The following HCN1 variants were observed in gnomAD, a reference collection of about 807,000 sequenced individuals.
The protein encoded by HCN1 is hyperpolarization activated cyclic nucleotide gated potassium channel 1.
A neutral mutation model predicts 78.9 loss-of-function variants in HCN1; 13 were observed. That is an observed-to-expected ratio of 0.16 (90% CI 0.11 to 0.26). The LOEUF (loss-of-function observed/expected upper bound fraction) is 0.26. Among genes scored for constraint, HCN1 ranks in the 10% least tolerant of loss-of-function variants. The pLI is 1.00. For missense variants in HCN1, 810 were observed against 1,154.3 expected, an observed-to-expected ratio of 0.70 and a Z score of 4.32; for synonymous variants, 552 against 455.5, an observed-to-expected ratio of 1.21 and a Z score of -2.70.
intron 1 of HCN1, among the ~76,000 whole-genome samples, chr5:45,664,472 G>GAA (rs755491134): frequency 4.3e-4 from 53 of 122,458 alleles, no homozygotes; most frequent in Non-Finnish European, 4.6e-4. Flanking sequence ...ATAAAAAAAA[G>GAA]AAAAAAAAAA....
chr5:45,509,063 A>C (rs767512178), intron 2 of HCN1, among the ~76,000 whole-genome samples: 4 of 152,152 alleles, frequency 2.6e-5, no homozygotes, highest in Non-Finnish European at 4.4e-5. Flanking sequence ...CTTACTTTCA[A>C]GTCCTTTAAA....
At chr5:45,399,951 G>A (rs1036514708) in intron 3 of HCN1, among the ~76,000 whole-genome samples, 2 of 152,068 alleles carry the variant, frequency 1.3e-5, no homozygotes, top group African/African-American at 2.4e-5. Context: ...TTTGGAGAAT[G>A]AGCAAATTTA....
chr5:45,464,302 T>C (rs940391563), intron 2 of HCN1, among the ~76,000 whole-genome samples: 1 of 152,094 alleles, frequency 6.6e-6, no homozygotes, highest in African/African-American at 2.4e-5. Flanking sequence ...TTTGCTACTA[T>C]GCATTTTCAT....
intron 4 of HCN1, 106 bp downstream of exon 4, chr5:45,396,386 C>CTTTTT: frequency 1.3e-6 from 1 of 759,068 alleles, no homozygotes; most frequent in Non-Finnish European, 2.2e-6. Flanking sequence ...CATTTTATCT[C>CTTTTT]TTTTTTTTTT....
chr5:45,336,642 C>T (rs929505469), intron 5 of HCN1, among the ~76,000 whole-genome samples: 1 of 151,840 alleles, frequency 6.6e-6, no homozygotes, highest in African/African-American at 2.4e-5. Flanking sequence ...ATGGTTTTAT[C>T]CAATTTGGGC....
chr5:45,352,791 G>T (rs1746937843), intron 5 of HCN1, among the ~76,000 whole-genome samples: 1 of 151,914 alleles, frequency 6.6e-6, no homozygotes, highest in Admixed American at 6.6e-5. Flanking sequence ...TCAAAAAGAA[G>T]AATCAGTTTG....
chr5:45,537,676 T>C (rs987328213), intron 2 of HCN1, among the ~76,000 whole-genome samples: 1 of 151,828 alleles, frequency 6.6e-6, no homozygotes, highest in Non-Finnish European at 1.5e-5. Flanking sequence ...TAGCTGGAGT[T>C]ACAGGCACCC....
chr5:45,665,620 A>G (rs1746027948), intron 1 of HCN1, among the ~76,000 whole-genome samples: 1 of 152,060 alleles, frequency 6.6e-6, no homozygotes, highest in Non-Finnish European at 1.5e-5. Context: ...AAAAAAAAGT[A>G]AAGACTCAAG....
intron 3 of HCN1, among the ~76,000 whole-genome samples, chr5:45,430,811 G>A (rs943950710): frequency 1.3e-5 from 2 of 152,162 alleles, no homozygotes; most frequent in African/African-American, 4.8e-5. Context: ...GACAGAGCGA[G>A]ACTCTGCCTC....
intron 3 of HCN1, among the ~76,000 whole-genome samples, chr5:45,414,975 T>C (rs1219686487): frequency 6.6e-6 from 1 of 152,036 alleles, no homozygotes; most frequent in Non-Finnish European, 1.5e-5. Flanking sequence ...TCCAAGGTTT[T>C]GTTAAAACCA....
At chr5:45,340,068 A>G (rs62367530) in intron 5 of HCN1, among the ~76,000 whole-genome samples, 22,650 of 151,838 alleles carry the variant, frequency 0.15, 3,177 homozygotes, top group African/African-American at 0.36. Flanking sequence ...ACAGGTGCCC[A>G]CCACCACTCC....
At chr5:45,672,426 G>C (rs1214641839) in intron 1 of HCN1, among the ~76,000 whole-genome samples, 2 of 151,402 alleles carry the variant, frequency 1.3e-5, no homozygotes, top group African/African-American at 4.8e-5. Context: ...GATGCCACTT[G>C]TCTACGTTAA....
chr5:45,386,416 C>A (rs1168954881), intron 4 of HCN1, among the ~76,000 whole-genome samples: 1 of 152,042 alleles, frequency 6.6e-6, no homozygotes, highest in Non-Finnish European at 1.5e-5. Flanking sequence ...CTGGTTCAAG[C>A]AATCCTCCTG....
intron 2 of HCN1, chr5:45,576,598 T>A (rs1307715105): frequency 6.6e-6 from 1 of 152,104 alleles, no homozygotes; most frequent in Non-Finnish European, 1.5e-5. Context: ...AAAGTATCAC[T>A]AGTTGAAGGC....
chr5:45,636,123 G>A (rs1227060375), intron 2 of HCN1, among the ~76,000 whole-genome samples: 1 of 152,098 alleles, frequency 6.6e-6, no homozygotes, highest in African/African-American at 2.4e-5. Context: ...GGATGTCACT[G>A]TACCCCTTTC....
At chr5:45,346,610 T>G (rs1424257768) in intron 5 of HCN1, among the ~76,000 whole-genome samples, 1 of 152,064 alleles carries the variant, frequency 6.6e-6, no homozygotes, top group African/African-American at 2.4e-5. Context: ...CCTTTCCTAG[T>G]CAAAGAAAGG....
chr5:45,641,066 T>C (rs980573798), intron 2 of HCN1, among the ~76,000 whole-genome samples: 2 of 152,162 alleles, frequency 1.3e-5, no homozygotes, highest in Admixed American at 1.3e-4. Flanking sequence ...AGATTTGATG[T>C]GATAAGCAAT....
At position 45,490,679 on chromosome 5, in the gene HCN1, T is replaced by C. The variant is rs143084505; in HGVS notation, c.850-28672A>G. ...ACTCTTTTCTTGGTCTTATTTCACA[T>C]TGCATGCCTGTATCAAAACATCTCA... On this transcript the variant is annotated intron_variant, in intron 2 of 7. Coordinates refer to ENST00000303230, the MANE Select transcript of HCN1 (RefSeq NM_021072.4). 6.7e-3 allele frequency among the ~76,000 whole-genome samples: 1,025 copies of C among 152,284 alleles called. 7 individuals are homozygous for C. Among genetic ancestry groups the C allele is most frequent in the Admixed American group, 0.012 (178 of 15,282 alleles).
At chr5:45,266,554 G>A (rs1259260133) in intron 7 of HCN1, among the ~76,000 whole-genome samples, 3 of 152,120 alleles carry the variant, frequency 2.0e-5, no homozygotes, top group Non-Finnish European at 4.4e-5. Context: ...CGGGAAATCA[G>A]TTTGTTTAGC....
Sources: allele counts gnomAD v4.1 joint callset (sites outside exome capture counted in the v4.1 genomes callset), GRCh38; gene constraint gnomAD v4.1.1; transcripts MANE v1.5; gene names NCBI Gene and HGNC (gene_info 2026-07-23, HGNC 2026-07-21).